Variants in VAV3 observed in about 807,000 individuals in gnomAD.
VAV3 encodes the protein vav guanine nucleotide exchange factor 3.
In VAV3, 94 loss-of-function variants were observed where a neutral mutation model predicts 131.2. That is an observed-to-expected ratio of 0.72 (90% CI 0.61 to 0.85). VAV3 has a LOEUF of 0.85. Among genes scored for constraint, VAV3 ranks in the 40% least tolerant of loss-of-function variants. The pLI, the probability that VAV3 is intolerant of heterozygous loss-of-function variation, is 0.00. For missense variants in VAV3, 939 were observed against 1,002.7 expected (o/e 0.94, Z 0.86); for synonymous variants, 349 against 342.0 (o/e 1.02, Z -0.22).
At chr1:107,838,507 A>C (rs1668567610) in intron 2 of VAV3, among the ~76,000 whole-genome samples, 1 of 152,224 alleles carries the variant, frequency 6.6e-6, no homozygotes, top group African/African-American at 2.4e-5. Context: ...ATGGAAATGC[A>C]AACTAGCCCA....
chr1:107,663,942 AT>A (rs544807798), intron 19 of VAV3, among the ~76,000 whole-genome samples: 174 of 152,298 alleles, frequency 1.1e-3, no homozygotes, highest in African/African-American at 4.1e-3. Flanking sequence ...TTCTTATGAT[AT>A]GAAAAAAATT....
chr1:107,861,521 G>T (rs1483251157), intron 2 of VAV3, among the ~76,000 whole-genome samples: 2 of 151,498 alleles, frequency 1.3e-5, no homozygotes, highest in African/African-American at 4.8e-5. Context: ...AGGAGCAGAT[G>T]CATAGCTAAT....
chr1:107,878,480 G>A (rs1357277008), intron 1 of VAV3, among the ~76,000 whole-genome samples: 2 of 152,082 alleles, frequency 1.3e-5, no homozygotes, highest in African/African-American at 4.8e-5. Context: ...TTTTTGAAGA[G>A]TCCAGGCTGG....
chr1:107,833,000 T>G (rs1055374131), intron 2 of VAV3, among the ~76,000 whole-genome samples: 1 of 152,214 alleles, frequency 6.6e-6, no homozygotes, highest in Non-Finnish European at 1.5e-5. Flanking sequence ...GAGAAATACA[T>G]GATTTTTTTC....
chr1:107,890,510 C>T (rs1671260950), intron 1 of VAV3, among the ~76,000 whole-genome samples: 1 of 152,168 alleles, frequency 6.6e-6, no homozygotes, highest in African/African-American at 2.4e-5. Context: ...TATTACCCCT[C>T]ACCACATTCT....
intron 1 of VAV3, among the ~76,000 whole-genome samples, chr1:107,946,624 A>G (rs1018924964): frequency 3.3e-5 from 5 of 152,372 alleles, no homozygotes; most frequent in African/African-American, 1.2e-4. Context: ...CAGTCATGCT[A>G]TCCATAAAAG....
Position 107,629,408 on chromosome 1 carries a change from T to C in VAV3, c.1915-11776A>G, listed in dbSNP as rs145060751. 9.2e-3 allele frequency among the ~76,000 whole-genome samples: 1,397 copies of C among 152,320 alleles called. 14 individuals are homozygous for C. Among genetic ancestry groups the C allele is most frequent in the Middle Eastern group, 0.024 (7 of 294 alleles). ...ATATTCTCAGGAGTTACTAAGACTTTTTTATCACATATTGCAACAAAGACT... is the reference window on the plus strand; with the variant it reads ...ATATTCTCAGGAGTTACTAAGACTTCTTTATCACATATTGCAACAAAGACT... On this transcript the variant is annotated intron_variant, in intron 20 of 26. Transcript: ENST00000370056.
At chr1:107,690,926 T>C (rs1659386379) in intron 17 of VAV3, among the ~76,000 whole-genome samples, 1 of 152,178 alleles carries the variant, frequency 6.6e-6, no homozygotes, top group Non-Finnish European at 1.5e-5. Flanking sequence ...GTGTGCCACA[T>C]AAATAGCAGC....
intron 15 of VAV3, among the ~76,000 whole-genome samples, chr1:107,722,842 T>C (rs113935115): frequency 8.2e-5 from 8 of 97,082 alleles, no homozygotes; most frequent in African/African-American, 1.6e-4. Context: ...TATCCTCTCT[T>C]TTTTTTTTTT....
intron 20 of VAV3, among the ~76,000 whole-genome samples, chr1:107,631,062 G>A (rs565527566): frequency 5.5e-4 from 84 of 152,156 alleles, no homozygotes; most frequent in African/African-American, 2.0e-3. Context: ...TACAAAGACT[G>A]TTTAGCAAGT....
At chr1:107,660,628 T>G (rs866243024) in intron 19 of VAV3, among the ~76,000 whole-genome samples, 7 of 152,334 alleles carry the variant, frequency 4.6e-5, no homozygotes, top group Middle Eastern at 3.4e-3. Context: ...GATAATTTGT[T>G]GGTATTTCAG....
intron 2 of VAV3, among the ~76,000 whole-genome samples, chr1:107,826,625 T>C (rs561719044): frequency 1.3e-5 from 2 of 152,270 alleles, no homozygotes; most frequent in East Asian, 3.9e-4. Context: ...GAACTTCCAA[T>C]GTTAGCGAAA....
At chr1:107,884,271 A>T (rs1216404521) in intron 1 of VAV3, among the ~76,000 whole-genome samples, 2 of 151,886 alleles carry the variant, frequency 1.3e-5, no homozygotes, top group Non-Finnish European at 2.9e-5. Context: ...ATCACAAAGG[A>T]TAAATGTTTG....
chr1:107,824,190 G>A (rs1667914098), intron 2 of VAV3, among the ~76,000 whole-genome samples: 1 of 152,176 alleles, frequency 6.6e-6, no homozygotes, highest in Non-Finnish European at 1.5e-5. Flanking sequence ...TAATTGTAAT[G>A]TGGTGATGGG....
At chr1:107,683,384 G>C in intron 19 of VAV3, 104 bp downstream of exon 19, 1 of 1,355,690 alleles carries the variant, frequency 7.4e-7, no homozygotes, top group African/African-American at 1.4e-5. Context: ...AAATTATGAG[G>C]AACAAAGGCC....
At chr1:107,745,834 C>T (rs917403118) in intron 15 of VAV3, among the ~76,000 whole-genome samples, 2 of 152,174 alleles carry the variant, frequency 1.3e-5, no homozygotes, top group Non-Finnish European at 2.9e-5. Flanking sequence ...CCCTTGATTT[C>T]CCTCCACCCT....
chr1:107,951,368 T>C (rs1483283179), intron 1 of VAV3, among the ~76,000 whole-genome samples: 2 of 152,326 alleles, frequency 1.3e-5, no homozygotes, highest in South Asian at 4.1e-4. Context: ...AACTCCATTT[T>C]CTCTTCGCCC....
intron 15 of VAV3, among the ~76,000 whole-genome samples, chr1:107,712,124 T>C (rs2101881925): frequency 6.6e-6 from 1 of 152,306 alleles, no homozygotes; most frequent in South Asian, 2.1e-4. Flanking sequence ...AAACATACTC[T>C]CTCTCACACG....
chr1:107,722,719 A>C (rs1028791265), intron 15 of VAV3, among the ~76,000 whole-genome samples: 3 of 152,238 alleles, frequency 2.0e-5, no homozygotes, highest in African/African-American at 7.2e-5. Context: ...TATGATGAAG[A>C]GCAGCACCGA....
Sources: allele counts gnomAD v4.1 joint callset (sites outside exome capture counted in the v4.1 genomes callset), GRCh38; gene constraint gnomAD v4.1.1; transcripts MANE v1.5; gene names NCBI Gene and HGNC (gene_info 2026-07-23, HGNC 2026-07-21).